Variants in PWWP2B observed in about 807,000 individuals in gnomAD.
PWWP2B encodes the protein PWWP domain containing 2B.
PWWP2B carries 9 observed loss-of-function variants against 15.5 expected under a neutral mutation model. That is an observed-to-expected ratio of 0.58 (90% CI 0.35 to 1.02). The LOEUF (loss-of-function observed/expected upper bound fraction) is 1.02, where lower values mean the gene tolerates loss of function less well. PWWP2B is among the 50% of genes least tolerant of loss of function. The pLI, the probability that PWWP2B is intolerant of heterozygous loss-of-function variation, is 0.02. For missense variants in PWWP2B, 864 were observed against 865.3 expected (o/e 1.00, Z 0.02); for synonymous variants, 474 against 403.6 (o/e 1.17, Z -2.09).
chr10:132,401,992 G>A (rs965866778), intron 1 of PWWP2B, among the ~76,000 whole-genome samples: 1 of 152,236 alleles, frequency 6.6e-6, no homozygotes, highest in Non-Finnish European at 1.5e-5. Flanking sequence ...GGGCAGGGCG[G>A]CAGCTCCAGG....
In PWWP2B at chr10:132,417,808, T is replaced by G. The variant is rs1438684230; in HGVS notation, c.*764T>G. Reference sequence around the variant, plus strand: ...TTTTGTAAGAGCGTGTTCCTTTTCCTCTTTTTTGTCACTTTAAAGACCAAA... The same window carrying G: ...TTTTGTAAGAGCGTGTTCCTTTTCCGCTTTTTTGTCACTTTAAAGACCAAA... On this transcript the variant is annotated 3_prime_UTR_variant, in exon 3 of 3. Coordinates refer to ENST00000305233, the MANE Select transcript of PWWP2B (RefSeq NM_138499.4). 1 of 152,244 alleles carries G rather than the reference T, an allele frequency of 6.6e-6. No homozygotes were observed. Among genetic ancestry groups the G allele is most frequent in the Non-Finnish European group, 1.5e-5 (1 of 68,044 alleles). The allele number at this position is 152,244 out of a possible 1,614,324, so 9.4% of individuals were successfully genotyped here.
At chr10:132,399,125 G>A (rs1313354756) in intron 1 of PWWP2B, among the ~76,000 whole-genome samples, 1 of 151,598 alleles carries the variant, frequency 6.6e-6, no homozygotes, top group Non-Finnish European at 1.5e-5. Flanking sequence ...CAGGGCTCCT[G>A]TTTCCAGCCC....
chr10:132,405,808 G>C lies in PWWP2B; in HGVS notation c.1308G>C (p.Ser436=). ...DSLDEARSSG[S]EGTPADTGDL... ...TGGACGAGGCCAGATCGTCCGGCTCGGAAGGGACGCCGGCAGACACGGGTG... is the reference window on the plus strand; with the variant it reads ...TGGACGAGGCCAGATCGTCCGGCTCCGAAGGGACGCCGGCAGACACGGGTG... The change falls in exon 2 of 3, where the codon TCG becomes TCC. Residue 436 remains serine, a synonymous_variant. Coordinates refer to ENST00000305233, the MANE Select transcript of PWWP2B (RefSeq NM_138499.4). The C allele has an allele frequency of 1.2e-6, 2 of 1,608,152 alleles. No homozygotes were observed. The highest frequency in any genetic ancestry group is 1.7e-6 in the Non-Finnish European group (2 of 1,179,660).
chr10:132,408,489 G>A (rs1165960904), intron 2 of PWWP2B, among the ~76,000 whole-genome samples: 1 of 152,212 alleles, frequency 6.6e-6, no homozygotes, highest in Admixed American at 6.5e-5. Flanking sequence ...GGCCATGCCC[G>A]AGGGAGGGGC....
intron 2 of PWWP2B, among the ~76,000 whole-genome samples, chr10:132,406,966 G>A (rs1187959457): frequency 6.6e-6 from 1 of 152,168 alleles, no homozygotes; most frequent in Non-Finnish European, 1.5e-5. Flanking sequence ...CGGGGACGGC[G>A]TCTCACTGTC....
rs2069868397 is a variant in PWWP2B, at chr10:132,417,054, C to T, written c.*17-7C>T. 6.2e-7 allele frequency: 1 copy of T among 1,613,356 alleles called. No individual in the cohort carries two copies. The highest frequency in any genetic ancestry group is 8.5e-7 in the Non-Finnish European group (1 of 1,179,524). Reference sequence around the variant, plus strand: ...TAAATCTCTGCCCCTTTTTGCTTTCCCCCAAGGTCACCGACGATGAGGGCG... The same window carrying T: ...TAAATCTCTGCCCCTTTTTGCTTTCTCCCAAGGTCACCGACGATGAGGGCG... On this transcript the variant is annotated splice_polypyrimidine_tract_variant and splice_region_variant and intron_variant, in intron 2 of 2. Transcript: ENST00000305233.
At chr10:132,403,238 C>T (rs533517558) in intron 1 of PWWP2B, among the ~76,000 whole-genome samples, 2 of 152,324 alleles carry the variant, frequency 1.3e-5, no homozygotes, top group African/African-American at 4.8e-5. Context: ...ACCCCCCGCC[C>T]CGTGTTCATC....
intron 2 of PWWP2B, among the ~76,000 whole-genome samples, chr10:132,408,393 C>G (rs2069730555): frequency 6.6e-6 from 1 of 152,226 alleles, no homozygotes; most frequent in Non-Finnish European, 1.5e-5. Flanking sequence ...GCGGGGGTAC[C>G]TGCCTTTCCT....
intron 2 of PWWP2B, among the ~76,000 whole-genome samples, chr10:132,413,815 G>A (rs776847508): frequency 5.9e-5 from 9 of 152,388 alleles, no homozygotes; most frequent in Non-Finnish European, 5.9e-5. Flanking sequence ...AACAAGCTGT[G>A]GGGAGGGTGT....
In PWWP2B at chr10:132,417,195, C is replaced by A; in HGVS notation, c.*151C>A. ...GGCCTGGTGTGAGGCCCCCCGGGGA[C>A]CGGCAGTGTGTCCAGGGAGGGGATG... is the stretch of plus-strand genomic sequence containing the variant. On this transcript the variant is annotated 3_prime_UTR_variant, in exon 3 of 3. Transcript: ENST00000305233. 1 of 1,149,922 alleles carries A rather than the reference C, an allele frequency of 8.7e-7. No individual in the cohort carries two copies. The highest frequency in any genetic ancestry group is 1.5e-5 in the African/African-American group (1 of 66,058). 71.2% of individuals were successfully genotyped at this position (1,149,922 alleles called of 1,614,324 possible).
Position 132,397,299 on chromosome 10 carries a change from G to A in PWWP2B, c.73G>A (p.Val25Met). Residue 25 changes from valine (V) to methionine (M), a missense_variant, in exon 1 of 3, where the codon GTG (valine) becomes ATG (methionine). Val to Met is a conservative substitution (Grantham distance 21, BLOSUM62 1). Coordinates refer to ENST00000305233, the MANE Select transcript of PWWP2B (RefSeq NM_138499.4). ...CGTCAACGGCGCGCTGGTGGTCACG[G>A]TGAGCTGCGGCGAGCGGAGCTTCGC... ...QVVNGALVVT[V>M]SCGERSFAGI... 2 of 1,429,446 alleles carry A rather than the reference G, an allele frequency of 1.4e-6. No individual in the cohort carries two copies. The highest frequency in any genetic ancestry group is 1.8e-6 in the Non-Finnish European group (2 of 1,081,700). 88.5% of individuals were successfully genotyped at this position (1,429,446 alleles called of 1,614,324 possible).
chr10:132,409,641 CCACCCACCCACCCACA>C (rs1355320617), intron 2 of PWWP2B, among the ~76,000 whole-genome samples: 3 of 66,840 alleles, frequency 4.5e-5, no homozygotes, highest in African/African-American at 1.4e-4. Context: ...ACCCACCCAC[CCACCCACCCACCCACA>C]CCTCTACTGA....
chr10:132,414,288 A>G (rs1000795797), intron 2 of PWWP2B, among the ~76,000 whole-genome samples: 7 of 152,248 alleles, frequency 4.6e-5, no homozygotes, highest in East Asian at 1.9e-4. Flanking sequence ...TCCAAAGGTC[A>G]TGCTGTTGTT....
chr10:132,402,445 TCCC>T (rs1247956356), intron 1 of PWWP2B, among the ~76,000 whole-genome samples: 3 of 152,118 alleles, frequency 2.0e-5, no homozygotes, highest in African/African-American at 7.2e-5. Context: ...GGTTCCTGGC[TCCC>T]CCAACAGCAA....
intron 2 of PWWP2B, among the ~76,000 whole-genome samples, chr10:132,411,641 G>A (rs1267150216): frequency 1.3e-5 from 2 of 152,256 alleles, no homozygotes; most frequent in African/African-American, 2.4e-5. Context: ...GCTTCATAAT[G>A]TTGATTTCTC....
intron 2 of PWWP2B, among the ~76,000 whole-genome samples, chr10:132,408,634 G>A (rs779922988): frequency 6.6e-6 from 1 of 152,240 alleles, no homozygotes; most frequent in Non-Finnish European, 1.5e-5. Context: ...GGATGAGGAC[G>A]GGGATGGCTG....
Position 132,406,191 on chromosome 10 carries a change from G to A in PWWP2B, c.1691G>A (p.Arg564Gln), listed in dbSNP as rs1414739332. Residue 564 changes from arginine to glutamine, a missense_variant, in exon 2 of 3, where the codon CGG (arginine) becomes CAG (glutamine). Transcript: ENST00000305233. ...RFNRKKKGMY[R>Q]KAITEAANAA... is the part of the protein sequence containing the mutation. ...AATCGTAAGAAGAAGGGGATGTATC[G>A]GAAAGCTATAACCGAGGCTGCAAAT... is the stretch of plus-strand genomic sequence containing the variant. The A allele has an allele frequency of 3.1e-6, 5 of 1,613,236 alleles. No homozygotes were observed. The highest frequency in any genetic ancestry group is 3.3e-5 in the Admixed American group (2 of 60,014).
chr10:132,398,962 C>T lies in PWWP2B; in HGVS notation c.125+1611C>T, dbSNP rs529336661. Among the ~76,000 whole-genome samples the T allele has an allele frequency of 4.7e-4, 53 of 113,752 alleles. No homozygotes were observed. The South Asian group carries it at 0.011, about 24-fold the overall frequency. The allele number at this position is 113,752 out of a possible 152,430, so 74.6% of individuals were successfully genotyped here. A position where few individuals can be genotyped will look rare whatever the true frequency, so the allele number is the denominator to read the frequency against. On this transcript the variant is annotated intron_variant, in intron 1 of 2. Transcript: ENST00000305233. Reference sequence around the variant, plus strand: ...CTTGTCCTGGAAGGACCCCTGCCCCCTCCCTCATCTCCCCTGTGCCTGAGT... The same window carrying T: ...CTTGTCCTGGAAGGACCCCTGCCCCTTCCCTCATCTCCCCTGTGCCTGAGT...
At chr10:132,400,981 G>A (rs540523817) in intron 1 of PWWP2B, among the ~76,000 whole-genome samples, 1 of 152,370 alleles carries the variant, frequency 6.6e-6, no homozygotes, top group South Asian at 2.1e-4. Context: ...AGCGAGTGCA[G>A]GGGGCTTGGG....
Sources: gnomAD v4.1 joint callset for allele counts (sites outside exome capture counted in the v4.1 genomes callset) on GRCh38, gnomAD v4.1.1 for gene constraint, MANE v1.5 for transcripts, NCBI Gene and HGNC (gene_info 2026-07-23, HGNC 2026-07-21) for gene names.